MID1: variants seen among roughly 807,000 people sequenced by gnomAD.
MID1 encodes the protein E3 ubiquitin-protein ligase Midline-1.
A neutral mutation model predicts 40.4 loss-of-function variants in MID1; 7 were observed. The ratio of observed to expected loss-of-function variants is 0.17; its 90% CI spans 0.10 to 0.33. The LOEUF (loss-of-function observed/expected upper bound fraction) is 0.33, where lower values mean the gene tolerates loss of function less well. Ranked by LOEUF, MID1 falls within the 10% of genes least tolerant of loss-of-function variation. MID1 has a pLI of 1.00. For missense variants in MID1, 367 were observed against 558.5 expected (o/e 0.66, Z 3.46); for synonymous variants, 229 against 221.2 (o/e 1.04, Z -0.31).
chrX:10,593,953 G>T (rs1935363952), intron 1 of MID1, among the ~76,000 whole-genome samples: 1 of 111,259 alleles, frequency 9.0e-6, no homozygotes, highest in Admixed American at 9.5e-5. Context: ...TTCCATAAAG[G>T]ACTGAATGAA....
At chrX:10,764,108 C>T (rs1026096290) in intron 1 of MID1, among the ~76,000 whole-genome samples, 11 of 111,690 alleles carry the variant, frequency 9.8e-5, no homozygotes, top group South Asian at 3.8e-4. Context: ...TTCTCCCATT[C>T]TGTAGGTTGC....
chrX:10,764,786 T>G (rs1331375778), intron 1 of MID1, among the ~76,000 whole-genome samples: 2 of 112,083 alleles, frequency 1.8e-5, no homozygotes, highest in African/African-American at 6.5e-5. Context: ...ACCCATGTAA[T>G]GGTATTTCCA....
At position 10,529,471 on chromosome X, in the gene MID1, T is replaced by C. The variant is rs1221705728; in HGVS notation, c.661-6284A>G. 2.7e-5 allele frequency among the ~76,000 whole-genome samples: 3 copies of C among 112,589 alleles called. No individual in the cohort carries two copies. The Admixed American group carries it at 2.8e-4, about 11-fold the overall frequency. On this transcript the variant is annotated intron_variant, in intron 2 of 9. Transcript: ENST00000317552. Reference sequence around the variant, plus strand: ...AAGTGTACATATTTCTAAAATGTTGTGCAATGTCCTAAATCTCAATGAATG... The same window carrying C: ...AAGTGTACATATTTCTAAAATGTTGCGCAATGTCCTAAATCTCAATGAATG...
At chrX:10,605,427 A>T (rs774420239) in intron 1 of MID1, among the ~76,000 whole-genome samples, 1 of 111,804 alleles carries the variant, frequency 8.9e-6, no homozygotes, top group Non-Finnish European at 1.9e-5. Flanking sequence ...GAGGAACATA[A>T]ACTATATGAA....
chrX:10,804,619 A>G (rs2044030981), intron 1 of MID1, among the ~76,000 whole-genome samples: 1 of 111,024 alleles, frequency 9.0e-6, no homozygotes, highest in East Asian at 2.8e-4. Flanking sequence ...AGCACTGTTG[A>G]TGTGGTTATA....
chrX:10,566,502 T>TCTCTCTCTCTCTCTCTCTCTCC (rs1569107566), intron 2 of MID1, among the ~76,000 whole-genome samples: 1 of 90,112 alleles, frequency 1.1e-5, no homozygotes, highest in African/African-American at 5.0e-5. Flanking sequence ...TGTCATTCTC[T>TCTCTCTCTCTCTCTCTCTCTCC]CTCTCTCTCC....
intron 1 of MID1, among the ~76,000 whole-genome samples, chrX:10,694,360 G>A (rs895024298): frequency 8.9e-6 from 1 of 111,927 alleles, no homozygotes; most frequent in East Asian, 2.8e-4. Context: ...TAACAAGCTA[G>A]GTATATAAGC....
intron 1 of MID1, among the ~76,000 whole-genome samples, chrX:10,803,532 TA>T (rs1316709280): frequency 1.8e-5 from 2 of 110,344 alleles, no homozygotes; most frequent in Non-Finnish European, 3.8e-5. Context: ...TTTGTATTTT[TA>T]GTAGAGACGG....
At chrX:10,477,098 C>T (rs187491263) in intron 5 of MID1, among the ~76,000 whole-genome samples, 187 of 112,231 alleles carry the variant, frequency 1.7e-3, no homozygotes, top group African/African-American at 5.8e-3. Flanking sequence ...AAAGATATCG[C>T]AAAGTGAAAC....
At chrX:10,510,847 A>G (rs112728278) in intron 3 of MID1, among the ~76,000 whole-genome samples, 133 of 108,242 alleles carry the variant, frequency 1.2e-3, no homozygotes, top group African/African-American at 4.1e-3. Context: ...AAAAAAAAAA[A>G]AAAAAAAGAA....
At chrX:10,482,842 G>A (rs568716328) in intron 4 of MID1, among the ~76,000 whole-genome samples, 2 of 112,265 alleles carry the variant, frequency 1.8e-5, no homozygotes, top group African/African-American at 6.5e-5. Context: ...TTCGTTTTAC[G>A]AGGAAACACT....
At position 10,507,440 on chromosome X, in the gene MID1, T is replaced by C. The variant is rs73477245; in HGVS notation, c.757-11749A>G. 6.5e-3 allele frequency among the ~76,000 whole-genome samples: 729 copies of C among 112,442 alleles called. 6 individuals carry two copies. The highest frequency in any genetic ancestry group is 0.022 in the African/African-American group (684 of 30,968). On this transcript the variant is annotated intron_variant, in intron 3 of 9. Transcript: ENST00000317552. The stretch of plus-strand genomic sequence containing the variant: ...CAGGCCTCATTGGCATAGTTCTAAT[T>C]TTTTCGAGACCACAAACAAGAGGAA...
At chrX:10,832,962 C>T (rs570189387) in intron 1 of MID1, among the ~76,000 whole-genome samples, 3 of 112,548 alleles carry the variant, frequency 2.7e-5, no homozygotes, top group Non-Finnish European at 3.7e-5. Context: ...AATAGACATA[C>T]GCTCCTTGTC....
At chrX:10,808,857 A>G (rs756753656) in intron 1 of MID1, among the ~76,000 whole-genome samples, 22 of 112,283 alleles carry the variant, frequency 2.0e-4, no homozygotes, top group East Asian at 8.4e-4. Context: ...TATTCAGGAC[A>G]TAGGCATGGG....
In MID1 at chrX:10,770,394, C is replaced by T. The variant is rs1476675636; in HGVS notation, c.-187+63160G>A. 7.1e-5 allele frequency among the ~76,000 whole-genome samples: 8 copies of T among 112,015 alleles called. No individual in the cohort carries two copies. In the Admixed American group the frequency reaches 7.6e-4, roughly 11 times the overall value. On this transcript the variant is annotated intron_variant, in intron 1 of 10. Coordinates refer to the MID1 transcript ENST00000380785. ...TCAGAGGGATGCCAAGTTGTTGAGT[C>T]CTTTGTTCTGGGAGGGGACTGAGGT... is the stretch of plus-strand genomic sequence containing the variant.
At chrX:10,632,846 A>T (rs949121744) in intron 1 of MID1, among the ~76,000 whole-genome samples, 1 of 111,588 alleles carries the variant, frequency 9.0e-6, no homozygotes, top group African/African-American at 3.3e-5. Context: ...ATATTTCATG[A>T]CATATGAAAA....
At chrX:10,542,178 A>G (rs755258703) in intron 2 of MID1, among the ~76,000 whole-genome samples, 11 of 112,541 alleles carry the variant, frequency 9.8e-5, no homozygotes, top group African/African-American at 3.5e-4. Context: ...CCTCAACTCT[A>G]TACATCACAA....
intron 1 of MID1, among the ~76,000 whole-genome samples, chrX:10,767,745 G>A (rs1234013185): frequency 1.8e-5 from 2 of 111,902 alleles, no homozygotes; most frequent in African/African-American, 6.5e-5. Flanking sequence ...CTCTCAATAA[G>A]TATGAATATT....
intron 1 of MID1, among the ~76,000 whole-genome samples, chrX:10,601,599 T>C (rs960821194): frequency 8.9e-6 from 1 of 111,808 alleles, no homozygotes; most frequent in Non-Finnish European, 1.9e-5. Context: ...CCTAGATTCA[T>C]GCTCTATAAG....
Sources: allele counts gnomAD v4.1 joint callset (sites outside exome capture counted in the v4.1 genomes callset), GRCh38; gene constraint gnomAD v4.1.1; transcripts MANE v1.5; gene names NCBI Gene and HGNC (gene_info 2026-07-23, HGNC 2026-07-21).